ADGRL3: variants seen among roughly 807,000 people sequenced by gnomAD.
The protein encoded by ADGRL3 is adhesion G protein-coupled receptor L3.
Under a neutral mutation model 153.5 loss-of-function variants are expected in ADGRL3, and 62 were observed. The observed-to-expected ratio is 0.40, with a 90% CI of 0.33 to 0.50. The LOEUF is 0.50. Ranked by LOEUF, ADGRL3 falls within the 20% of genes least tolerant of loss-of-function variation. The pLI, the probability that ADGRL3 is intolerant of heterozygous loss-of-function variation, is 0.47. For missense variants in ADGRL3, 1,641 were observed against 1,859.4 expected (o/e 0.88, Z 2.16); for synonymous variants, 710 against 672.5 (o/e 1.06, Z -0.86).
intron 2 of ADGRL3, among the ~76,000 whole-genome samples, chr4:61,415,061 T>C (rs2097130985): frequency 6.6e-6 from 1 of 151,904 alleles, no homozygotes; most frequent in Non-Finnish European, 1.5e-5. Context: ...TATTTTATTT[T>C]GACATTAGAA....
chr4:61,350,619 C>T (rs868664787), intron 1 of ADGRL3, among the ~76,000 whole-genome samples: 16 of 152,028 alleles, frequency 1.1e-4, no homozygotes, highest in Non-Finnish European at 1.3e-4. Context: ...ACTTTATGTC[C>T]GTGTGTCACA....
chr4:62,049,642 G>A (rs553609879), intron 25 of ADGRL3, among the ~76,000 whole-genome samples: 7 of 152,168 alleles, frequency 4.6e-5, no homozygotes, highest in Non-Finnish European at 2.9e-5. Flanking sequence ...ATTTTGGCTC[G>A]TAGCTAGTGG....
At chr4:61,574,503 G>T (rs2098856792) in intron 4 of ADGRL3, among the ~76,000 whole-genome samples, 1 of 151,736 alleles carries the variant, frequency 6.6e-6, no homozygotes, top group Non-Finnish European at 1.5e-5. Context: ...AAATATTAAT[G>T]ACAGAATCTT....
chr4:62,015,118 T>A (rs1461715513), intron 21 of ADGRL3, among the ~76,000 whole-genome samples: 2 of 152,206 alleles, frequency 1.3e-5, no homozygotes. Flanking sequence ...GTGTTAAGCA[T>A]CTTGAGCCGC....
chr4:61,508,863 G>A (rs952309515), intron 3 of ADGRL3, among the ~76,000 whole-genome samples: 17 of 152,146 alleles, frequency 1.1e-4, no homozygotes, highest in African/African-American at 4.1e-4. Flanking sequence ...TGGCTCAGGA[G>A]GCCTCAGAAT....
intron 2 of ADGRL3, among the ~76,000 whole-genome samples, chr4:61,465,976 G>C (rs898515651): frequency 6.6e-6 from 1 of 151,574 alleles, no homozygotes; most frequent in Non-Finnish European, 1.5e-5. Context: ...CAAAACATTA[G>C]CTAGACGTGG....
intron 6 of ADGRL3, among the ~76,000 whole-genome samples, chr4:61,699,538 G>T (rs2095709256): frequency 1.3e-5 from 2 of 152,014 alleles, no homozygotes; most frequent in Admixed American, 6.6e-5. Context: ...TGTTGCAGAA[G>T]TTTGTTGAAG....
intron 6 of ADGRL3, among the ~76,000 whole-genome samples, chr4:61,683,371 C>T (rs2095378094): frequency 6.6e-6 from 1 of 152,036 alleles, no homozygotes; most frequent in Non-Finnish European, 1.5e-5. Flanking sequence ...GTCTCACAAC[C>T]AGGAAGCATT....
At chr4:61,358,866 A>T (rs2096238151) in intron 1 of ADGRL3, among the ~76,000 whole-genome samples, 1 of 151,956 alleles carries the variant, frequency 6.6e-6, no homozygotes. Flanking sequence ...TTATTTCCAA[A>T]TTTTTACCTC....
chr4:61,303,063 C>T (rs1459480492), intron 1 of ADGRL3, among the ~76,000 whole-genome samples: 2 of 152,196 alleles, frequency 1.3e-5, no homozygotes, highest in East Asian at 1.9e-4. Context: ...ACCTCCAAAA[C>T]GTTAGTGAAT....
intron 1 of ADGRL3, among the ~76,000 whole-genome samples, chr4:61,329,804 T>C (rs1320607818): frequency 6.6e-6 from 1 of 152,202 alleles, no homozygotes; most frequent in Admixed American, 6.5e-5. Flanking sequence ...TAAACAATGC[T>C]GTGGAATAAC....
chr4:61,902,379 GC>G (rs2098669371), intron 11 of ADGRL3, among the ~76,000 whole-genome samples: 1 of 151,868 alleles, frequency 6.6e-6, no homozygotes, highest in Non-Finnish European at 1.5e-5. Flanking sequence ...TTCTCTCCAT[GC>G]CCACTACCCC....
At chr4:61,915,077 A>T (rs541547221) in intron 13 of ADGRL3, among the ~76,000 whole-genome samples, 1 of 152,002 alleles carries the variant, frequency 6.6e-6, no homozygotes, top group South Asian at 2.1e-4. Flanking sequence ...TGAAAATATT[A>T]TTTAAAAGGA....
Position 61,991,067 on chromosome 4 carries a change from A to T in ADGRL3, c.3237-5224A>T, listed in dbSNP as rs375376330. Among the ~76,000 whole-genome samples the T allele has an allele frequency of 3.6e-4, 55 of 151,904 alleles. 1 individual carries two copies. The East Asian group carries it at 9.7e-3, about 27-fold the overall frequency. On this transcript the variant is annotated intron_variant, in intron 19 of 26. Transcript: ENST00000683033. ...TAAACAGTATGTATATATGTAAAATATATGCTAGACATCTATGTCTAGCAT... is the reference window on the plus strand; with the variant it reads ...TAAACAGTATGTATATATGTAAAATTTATGCTAGACATCTATGTCTAGCAT...
intron 2 of ADGRL3, among the ~76,000 whole-genome samples, chr4:61,446,070 G>A (rs1456877): frequency 0.93 from 141,785 of 152,196 alleles, 66,888 homozygotes; most frequent in East Asian, 1. Flanking sequence ...ATGTGGTGTC[G>A]GCACAATGAC....
chr4:62,020,517 A>G (rs1255881762), intron 21 of ADGRL3, among the ~76,000 whole-genome samples: 1 of 152,152 alleles, frequency 6.6e-6, no homozygotes, highest in Non-Finnish European at 1.5e-5. Flanking sequence ...TGCTAAAAAT[A>G]TTTTATGGAT....
At chr4:61,920,647 C>A (rs902300009) in intron 13 of ADGRL3, among the ~76,000 whole-genome samples, 1 of 152,180 alleles carries the variant, frequency 6.6e-6, no homozygotes, top group Non-Finnish European at 1.5e-5. Context: ...AAGGCTGCAT[C>A]TGGTTTTTTG....
chr4:61,427,655 G>A (rs1046042026), intron 2 of ADGRL3: 1 of 152,740 alleles, frequency 6.5e-6, no homozygotes, highest in Non-Finnish European at 1.5e-5. Context: ...CACTGGGTGA[G>A]CCTGCAGTGG....
At chr4:61,550,040 A>C (rs2098733092) in intron 4 of ADGRL3, among the ~76,000 whole-genome samples, 1 of 151,998 alleles carries the variant, frequency 6.6e-6, no homozygotes, top group African/African-American at 2.4e-5. Context: ...TCAACTGTCA[A>C]AACTAATGGT....
Sources: gnomAD v4.1 joint callset for allele counts (sites outside exome capture counted in the v4.1 genomes callset) on GRCh38, gnomAD v4.1.1 for gene constraint, MANE v1.5 for transcripts, NCBI Gene and HGNC (gene_info 2026-07-23, HGNC 2026-07-21) for gene names.